MARK1: variants seen among roughly 807,000 people sequenced by gnomAD.
MARK1 encodes serine/threonine-protein kinase MARK1.
In MARK1, 40 loss-of-function variants were observed where a neutral mutation model predicts 96.3. That is an observed-to-expected ratio of 0.42 (90% CI 0.32 to 0.54). The LOEUF is 0.54. Among genes scored for constraint, MARK1 ranks in the 20% least tolerant of loss-of-function variants. MARK1 has a pLI of 0.16. For synonymous variants in MARK1, 317 were observed against 341.2 expected, an observed-to-expected ratio of 0.93 and a Z score of 0.78; for missense variants, 719 against 984.6, an observed-to-expected ratio of 0.73 and a Z score of 3.61.
rs1178036503 is a variant in MARK1, at chr1:220,579,550, G to A, written c.248G>A (p.Gly83Asp). The A allele has an allele frequency of 3.7e-6, 6 of 1,613,832 alleles. No individual in the cohort carries two copies. The highest frequency in any genetic ancestry group is 5.1e-6 in the Non-Finnish European group (6 of 1,179,808). The change falls in exon 2 of 18, where the codon GGT becomes GAT. Residue 83 changes from glycine to aspartate, a missense_variant. Transcript: ENST00000366917. ...AAATTGGCAAGACACGTTCTAACTG[G>A]TAGAGAGGTAAGTTTGCACAATGCC... is the stretch of plus-strand genomic sequence containing the variant. ...KVKLARHVLT[G>D]REVAVKIIDK...
chr1:220,650,806 A>C, intron 14 of MARK1, 86 bp downstream of exon 14: 10 of 884,460 alleles, frequency 1.1e-5, no homozygotes, highest in Non-Finnish European at 1.8e-5. Context: ...CGAATGGGTC[A>C]GGAGAAAAGC....
intron 13 of MARK1, among the ~76,000 whole-genome samples, chr1:220,641,176 C>A (rs1668247084): frequency 6.6e-6 from 1 of 152,126 alleles, no homozygotes; most frequent in Non-Finnish European, 1.5e-5. Flanking sequence ...CATGTGTGAG[C>A]AGTACAAAAT....
chr1:220,636,095 TA>T (rs1242629562), intron 13 of MARK1, 69 bp downstream of exon 13: 1 of 1,133,930 alleles, frequency 8.8e-7, no homozygotes, highest in East Asian at 2.8e-5. Context: ...GTAAAATTTT[TA>T]TCTTTCATTT....
In MARK1 at chr1:220,548,879, G is replaced by T. The variant is rs977632731; in HGVS notation, c.51+20006G>T. Reference sequence around the variant, plus strand: ...TGAAAGAACTAGGAAGTTTGGAAAAGAATTTAACACGGTATTTTTAGATAA... The same window carrying T: ...TGAAAGAACTAGGAAGTTTGGAAAATAATTTAACACGGTATTTTTAGATAA... On this transcript the variant is annotated intron_variant, in intron 1 of 17. Coordinates refer to ENST00000366917, the MANE Select transcript of MARK1 (RefSeq NM_018650.5). 6.6e-5 allele frequency among the ~76,000 whole-genome samples: 10 copies of T among 152,312 alleles called. 1 individual carries two copies. Among genetic ancestry groups the T allele is most frequent in the Admixed American group, 6.5e-5 (1 of 15,298 alleles).
Position 220,662,383 on chromosome 1 carries a change from G to A in MARK1, c.*217G>A. 1 of 519,226 alleles carries A rather than the reference G, an allele frequency of 1.9e-6. No homozygotes were observed. The highest frequency in any genetic ancestry group is 3.1e-5 in the South Asian group (1 of 31,842). 32.2% of individuals were successfully genotyped at this position (519,226 alleles called of 1,614,324 possible). Reference sequence around the variant, plus strand: ...CTTAAAAAGTAGGTTCACATGTACAGGTAAGTATATTGTGTATTTCTGTTC... The same window carrying A: ...CTTAAAAAGTAGGTTCACATGTACAAGTAAGTATATTGTGTATTTCTGTTC... On this transcript the variant is annotated 3_prime_UTR_variant, in exon 18 of 18. Coordinates refer to ENST00000366917, the MANE Select transcript of MARK1 (RefSeq NM_018650.5).
At chr1:220,625,773 T>G (rs1667290826) in intron 9 of MARK1, 1 of 452,048 alleles carries the variant, frequency 2.2e-6, no homozygotes, top group Admixed American at 2.5e-5. Flanking sequence ...GAGGAAAGTC[T>G]GTTACTACTA....
intron 1 of MARK1, 43 bp from the exon 2 acceptor site, chr1:220,579,311 A>G: frequency 7.5e-7 from 1 of 1,329,620 alleles, no homozygotes; most frequent in Non-Finnish European, 1.1e-6. Flanking sequence ...TCCTTTTATA[A>G]TATAATTTAA....
chr1:220,637,880 T>TAGCAAATGCAAGATAA (rs1668055469), intron 13 of MARK1, among the ~76,000 whole-genome samples: 1 of 151,380 alleles, frequency 6.6e-6, no homozygotes. Context: ...GATACCAAAA[T>TAGCAAATGCAAGATAA]GCGCAAAATT....
intron 1 of MARK1, among the ~76,000 whole-genome samples, chr1:220,577,078 T>C (rs1663911066): frequency 6.6e-6 from 1 of 151,876 alleles, no homozygotes; most frequent in Admixed American, 6.6e-5. Context: ...GCCAACATGA[T>C]GAGACTCCAT....
chr1:220,657,171 G>C (rs1669219349), intron 16 of MARK1, among the ~76,000 whole-genome samples: 1 of 152,154 alleles, frequency 6.6e-6, no homozygotes, highest in African/African-American at 2.4e-5. Context: ...ACAATTAGTA[G>C]TGTTTTCCTG....
intron 1 of MARK1, among the ~76,000 whole-genome samples, chr1:220,573,847 A>C (rs1183432574): frequency 6.6e-6 from 1 of 151,874 alleles, no homozygotes; most frequent in Admixed American, 6.6e-5. Flanking sequence ...TATATATTGT[A>C]GTATATATGT....
intron 13 of MARK1, among the ~76,000 whole-genome samples, chr1:220,644,621 A>G (rs995856433): frequency 2.0e-5 from 3 of 152,106 alleles, no homozygotes; most frequent in African/African-American, 7.2e-5. Flanking sequence ...AGAACAGCAG[A>G]ATATACATTT....
intron 3 of MARK1, among the ~76,000 whole-genome samples, chr1:220,584,870 C>T (rs1664487821): frequency 6.6e-6 from 1 of 152,178 alleles, no homozygotes. Context: ...ATCAGCTACT[C>T]TCACATATAC....
At chr1:220,604,222 C>T (rs1665929618) in intron 6 of MARK1, 85 bp downstream of exon 6, 1 of 685,230 alleles carries the variant, frequency 1.5e-6, no homozygotes. Flanking sequence ...CTTCACAGCA[C>T]ATGGTATTTT....
At chr1:220,657,267 A>G (rs1031938157) in intron 16 of MARK1, among the ~76,000 whole-genome samples, 18 of 152,198 alleles carry the variant, frequency 1.2e-4, no homozygotes, top group African/African-American at 4.3e-4. Context: ...CTACATGGAT[A>G]GGCTGTTAAT....
Position 220,536,007 on chromosome 1 carries a change from T to C in MARK1, c.51+7134T>C, listed in dbSNP as rs141203043. Among the ~76,000 whole-genome samples the C allele has an allele frequency of 1.0e-4, 15 of 147,754 alleles. No homozygotes were observed. In the East Asian group the frequency reaches 3.0e-3, roughly 29 times the overall value. On this transcript the variant is annotated intron_variant, in intron 1 of 17. Coordinates refer to ENST00000366917, the MANE Select transcript of MARK1 (RefSeq NM_018650.5). ...CCATTCAGGGTCCTTTGTGGTTCCA[T>C]ATGAATTTTATACTTTTTTTTTGTT...
intron 1 of MARK1, among the ~76,000 whole-genome samples, chr1:220,539,472 A>C (rs949927676): frequency 3.9e-5 from 6 of 152,158 alleles, no homozygotes; most frequent in African/African-American, 1.4e-4. Context: ...TTGGTTTGCC[A>C]GTATTCTATT....
chr1:220,579,648 A>T, intron 2 of MARK1, 91 bp downstream of exon 2: 1 of 1,019,412 alleles, frequency 9.8e-7, no homozygotes, highest in Non-Finnish European at 1.5e-6. Flanking sequence ...GAGTAAAATG[A>T]CAGTTTCAAT....
intron 3 of MARK1, among the ~76,000 whole-genome samples, chr1:220,585,203 A>G (rs1464254803): frequency 6.6e-6 from 1 of 152,112 alleles, no homozygotes; most frequent in African/African-American, 2.4e-5. Context: ...CCACTGTTTC[A>G]CTCTCCATGA....
Sources: gnomAD v4.1 joint callset for allele counts (sites outside exome capture counted in the v4.1 genomes callset) on GRCh38, gnomAD v4.1.1 for gene constraint, MANE v1.5 for transcripts, NCBI Gene and HGNC (gene_info 2026-07-23, HGNC 2026-07-21) for gene names.